FAM222B: variants seen among roughly 807,000 people sequenced by gnomAD.
The protein encoded by FAM222B is family with sequence similarity 222 member B, also known as protein FAM222B.
A neutral mutation model predicts 38.0 loss-of-function variants in FAM222B; 12 were observed. The ratio of observed to expected loss-of-function variants is 0.32; its 90% confidence interval spans 0.20 to 0.51. The LOEUF is 0.51. Among genes scored for constraint, FAM222B ranks in the 20% least tolerant of loss-of-function variants. The probability of loss-of-function intolerance (pLI) is 0.97; values close to 1 mark genes in which losing one functional copy is unlikely to be tolerated. For synonymous variants in FAM222B, 329 were observed against 317.2 expected (o/e 1.04, Z -0.40); for missense variants, 716 against 754.2 (o/e 0.95, Z 0.59).
chr17:28,766,469 AAAAAG>A, intron 2 of FAM222B, 112 bp downstream of exon 2: 8 of 798,804 alleles, frequency 1.0e-5, no homozygotes, highest in Admixed American at 8.4e-5. Context: ...AAAAAAAAAA[AAAAAG>A]AAAGGTGTCA....
At chr17:28,801,626 G>C (rs181743087) in intron 1 of FAM222B, among the ~76,000 whole-genome samples, 56 of 152,020 alleles carry the variant, frequency 3.7e-4, no homozygotes, top group East Asian at 1.9e-3. Flanking sequence ...TATTATTGTT[G>C]TTCTTCTTCT....
intron 1 of FAM222B, among the ~76,000 whole-genome samples, chr17:28,780,956 A>C (rs1246722278): frequency 6.6e-6 from 1 of 152,126 alleles, no homozygotes; most frequent in African/African-American, 2.4e-5. Flanking sequence ...TTTGCAAACC[A>C]TACATCCAAT....
At chr17:28,789,200 CTTTTT>C (rs796959212) in intron 1 of FAM222B, among the ~76,000 whole-genome samples, 1 of 139,718 alleles carries the variant, frequency 7.2e-6, no homozygotes, top group Non-Finnish European at 1.6e-5. Context: ...ATTCTGTGTC[CTTTTT>C]TTTTTTTTTG....
intron 1 of FAM222B, among the ~76,000 whole-genome samples, chr17:28,805,613 T>C (rs1224822264): frequency 2.0e-5 from 3 of 151,224 alleles, no homozygotes; most frequent in African/African-American, 4.9e-5. Flanking sequence ...GTGATCACAC[T>C]ATATTCGAAC....
intron 1 of FAM222B, among the ~76,000 whole-genome samples, chr17:28,796,991 TTGC>T (rs1456927002): frequency 6.7e-6 from 1 of 148,288 alleles, no homozygotes; most frequent in Non-Finnish European, 1.5e-5. Flanking sequence ...TAAGTGGCTA[TTGC>T]TTTTTTTTTT....
chr17:28,799,739 G>A (rs1198928572), intron 1 of FAM222B, among the ~76,000 whole-genome samples: 1 of 152,030 alleles, frequency 6.6e-6, no homozygotes, highest in East Asian at 1.9e-4. Context: ...TCCTGAGTAA[G>A]CTGGGACTAC....
intron 1 of FAM222B, among the ~76,000 whole-genome samples, chr17:28,835,841 T>C (rs536293881): frequency 6.6e-6 from 1 of 152,120 alleles, no homozygotes; most frequent in Admixed American, 6.6e-5. Context: ...CCGGCTCATT[T>C]TTTTTTATTT....
chr17:28,829,257 T>C (rs2038566011), intron 1 of FAM222B, among the ~76,000 whole-genome samples: 1 of 137,048 alleles, frequency 7.3e-6, no homozygotes, highest in South Asian at 2.3e-4. Flanking sequence ...TCTTGTTGCC[T>C]CAGCTGGAGT....
intron 1 of FAM222B, among the ~76,000 whole-genome samples, chr17:28,822,444 T>A: frequency 6.7e-6 from 1 of 148,920 alleles, no homozygotes; most frequent in East Asian, 2.1e-4. Flanking sequence ...GCCAACATGG[T>A]GAAACCCCGT....
intron 1 of FAM222B, among the ~76,000 whole-genome samples, chr17:28,809,439 C>T (rs2037642329): frequency 6.6e-6 from 1 of 152,036 alleles, no homozygotes; most frequent in African/African-American, 2.4e-5. Flanking sequence ...AAATCAACTG[C>T]TTTAACCTCA....
intron 1 of FAM222B, among the ~76,000 whole-genome samples, chr17:28,822,361 G>C (rs920842085): frequency 2.0e-5 from 3 of 148,324 alleles, no homozygotes; most frequent in Non-Finnish European, 4.5e-5. Flanking sequence ...AGTGGCTCAC[G>C]CCTGTAATCC....
chr17:28,781,079 C>T (rs1013237535), intron 1 of FAM222B, among the ~76,000 whole-genome samples: 3 of 151,906 alleles, frequency 2.0e-5, no homozygotes, highest in African/African-American at 7.3e-5. Flanking sequence ...TACAAATGGC[C>T]AATAGGTACG....
upstream of FAM222B, among the ~76,000 whole-genome samples, chr17:28,843,672 T>G (rs1379265124): frequency 1.3e-5 from 2 of 152,064 alleles, no homozygotes; most frequent in Non-Finnish European, 2.9e-5. Flanking sequence ...GGTCTCGAAC[T>G]CCTGACCTCA....
At chr17:28,813,835 C>T (rs1435462025) in intron 1 of FAM222B, among the ~76,000 whole-genome samples, 5 of 151,800 alleles carry the variant, frequency 3.3e-5, no homozygotes, top group Non-Finnish European at 7.4e-5. Context: ...CGTCAGCCAC[C>T]GCGCCCGGCA....
intron 1 of FAM222B, chr17:28,849,226 A>G (rs979843204): frequency 4.9e-5 from 7 of 144,274 alleles, no homozygotes; most frequent in Non-Finnish European, 1.1e-4. Context: ...GCGCCACTGC[A>G]CTCCAGCCTG....
chr17:28,818,174 G>T (rs1321770087), intron 1 of FAM222B, among the ~76,000 whole-genome samples: 1 of 151,730 alleles, frequency 6.6e-6, no homozygotes, highest in Non-Finnish European at 1.5e-5. Context: ...AGGTTATAGT[G>T]AGCTATGATC....
chr17:28,777,795 T>A (rs1035329370), intron 1 of FAM222B, among the ~76,000 whole-genome samples: 1 of 150,612 alleles, frequency 6.6e-6, no homozygotes, highest in Non-Finnish European at 1.5e-5. Context: ...TTTTTTTTTC[T>A]TCAGTTTTTT....
intron 1 of FAM222B, among the ~76,000 whole-genome samples, chr17:28,779,917 T>C (rs1490861354): frequency 6.6e-6 from 1 of 151,640 alleles, no homozygotes; most frequent in East Asian, 1.9e-4. Flanking sequence ...TACTCAACGG[T>C]GGACAGCTGA....
At chr17:28,780,182 G>T (rs867747813) in intron 1 of FAM222B, among the ~76,000 whole-genome samples, 2 of 151,986 alleles carry the variant, frequency 1.3e-5, no homozygotes, top group African/African-American at 4.8e-5. Flanking sequence ...ATACTGGCCA[G>T]GATGGTCTCG....
Sources: gnomAD v4.1 joint callset for allele counts (sites outside exome capture counted in the v4.1 genomes callset) on GRCh38, gnomAD v4.1.1 for gene constraint, MANE v1.5 for transcripts, NCBI Gene and HGNC (gene_info 2026-07-23, HGNC 2026-07-21) for gene names.